The following KLF12 variants were observed in gnomAD, a reference collection of about 807,000 sequenced individuals.
KLF12 encodes the protein Krueppel-like factor 12.
A neutral mutation model predicts 37.8 loss-of-function variants in KLF12; 9 were observed. The ratio of observed to expected loss-of-function variants is 0.24; its 90% CI spans 0.14 to 0.42. KLF12 has a LOEUF of 0.42. KLF12 is among the 10% of genes least tolerant of loss of function. The probability of loss-of-function intolerance (pLI) is 1.00; values close to 1 mark genes in which losing one functional copy is unlikely to be tolerated. For synonymous variants in KLF12, 208 were observed against 202.1 expected (o/e 1.03, Z -0.25); for missense variants, 411 against 516.0 (o/e 0.80, Z 1.97).
intron 6 of KLF12, among the ~76,000 whole-genome samples, chr13:73,743,390 C>A (rs1878138934): frequency 6.6e-6 from 1 of 152,182 alleles, no homozygotes; most frequent in Non-Finnish European, 1.5e-5. Context: ...AGGATCAACT[C>A]TTCTTGTATA....
At chr13:74,172,143 A>ACACACG in the KLF12 span, among the ~76,000 whole-genome samples, 1 of 784 alleles carries the variant, frequency 1.3e-3, no homozygotes, top group East Asian at 0.17. Context: ...TTTCCTCACG[A>ACACACG]CACACACACA....
chr13:74,290,178 T>C, the KLF12 span, among the ~76,000 whole-genome samples: 3 of 152,190 alleles, frequency 2.0e-5, no homozygotes, highest in African/African-American at 7.2e-5. Flanking sequence ...AAATGGCCAA[T>C]TGGAGGGATT....
At chr13:74,147,497 G>A in the KLF12 span, among the ~76,000 whole-genome samples, 1 of 152,170 alleles carries the variant, frequency 6.6e-6, no homozygotes, top group Non-Finnish European at 1.5e-5. Context: ...GTGTACAGTG[G>A]TTTCCCAAAA....
intron 1 of KLF12, among the ~76,000 whole-genome samples, chr13:74,020,069 A>G (rs1892802594): frequency 6.6e-6 from 1 of 152,238 alleles, no homozygotes; most frequent in Non-Finnish European, 1.5e-5. Context: ...TCATTCCTAC[A>G]TGGAATTTGG....
chr13:73,837,804 A>G (rs941782886), intron 4 of KLF12, among the ~76,000 whole-genome samples: 17 of 152,232 alleles, frequency 1.1e-4, no homozygotes, highest in African/African-American at 4.1e-4. Flanking sequence ...TATGGCTAGT[A>G]GTCACCATAC....
Position 73,695,225 on chromosome 13 carries a change from AGGACACAGCAC to A in KLF12, c.*254_*264del, listed in dbSNP as rs1346946058. The A allele has an allele frequency of 2.4e-6, 1 of 424,894 alleles. No individual in the cohort carries two copies. The highest frequency in any genetic ancestry group is 4.2e-6 in the Non-Finnish European group (1 of 236,372). The allele number at this position is 424,894 out of a possible 1,614,324, so 26.3% of individuals were successfully genotyped here. On this transcript the variant is annotated 3_prime_UTR_variant, in exon 8 of 8. Transcript: ENST00000377669. ...AGCTACAAACATCTTTAAATGGCAG[AGGACACAGCAC>A]GGAAAACAATGCCTGTCTCTTCAGC...
the KLF12 span, among the ~76,000 whole-genome samples, chr13:74,197,742 A>G: frequency 1.3e-5 from 2 of 152,158 alleles, no homozygotes. Flanking sequence ...TTTCATAGTC[A>G]CTGCTATTTT....
chr13:74,139,471 A>C, the KLF12 span, among the ~76,000 whole-genome samples: 1 of 152,266 alleles, frequency 6.6e-6, no homozygotes, highest in Admixed American at 6.5e-5. Context: ...TTGGGTGCAC[A>C]TATTGAAAAT....
intron 5 of KLF12, among the ~76,000 whole-genome samples, chr13:73,810,982 C>CTTTTTTTTT (rs376490803): frequency 2.3e-3 from 105 of 44,792 alleles, no homozygotes; most frequent in South Asian, 4.1e-3. Context: ...ATTTTTCTTT[C>CTTTTTTTTT]TTTTTTTTTT....
At chr13:74,286,599 T>C in the KLF12 span, among the ~76,000 whole-genome samples, 1 of 152,184 alleles carries the variant, frequency 6.6e-6, no homozygotes, top group African/African-American at 2.4e-5. Flanking sequence ...ATGGGTTTGT[T>C]AAAAAATTGT....
intron 3 of KLF12, among the ~76,000 whole-genome samples, chr13:73,851,638 T>C (rs1885339859): frequency 1.3e-5 from 2 of 152,340 alleles, no homozygotes; most frequent in East Asian, 1.9e-4. Flanking sequence ...GGTCATTCTT[T>C]AGCAGTCTTA....
chr13:74,096,796 T>C (rs1876011451), intron 1 of KLF12, among the ~76,000 whole-genome samples: 1 of 152,184 alleles, frequency 6.6e-6, no homozygotes, highest in Non-Finnish European at 1.5e-5. Flanking sequence ...TTTCTCAGAC[T>C]GCATCTCCTT....
At chr13:73,931,890 A>G (rs1255960864) in intron 3 of KLF12, among the ~76,000 whole-genome samples, 1 of 151,826 alleles carries the variant, frequency 6.6e-6, no homozygotes, top group Non-Finnish European at 1.5e-5. Flanking sequence ...TATGAAATTT[A>G]TAACAAAACT....
At chr13:74,137,170 T>A (rs1593931426), upstream of KLF12, among the ~76,000 whole-genome samples, 1 of 152,232 alleles carries the variant, frequency 6.6e-6, no homozygotes, top group East Asian at 1.9e-4. Flanking sequence ...GGATTTTTAA[T>A]GTTTAGACCT....
At chr13:73,723,215 G>T (rs999833618) in intron 6 of KLF12, among the ~76,000 whole-genome samples, 1 of 152,174 alleles carries the variant, frequency 6.6e-6, no homozygotes, top group Non-Finnish European at 1.5e-5. Flanking sequence ...ACAAAAAAAT[G>T]CCTATTTCAG....
chr13:74,297,449 G>T, the KLF12 span, among the ~76,000 whole-genome samples: 17 of 152,264 alleles, frequency 1.1e-4, no homozygotes, highest in South Asian at 1.7e-3. Context: ...TGTTCAATTT[G>T]CTTTGTTCAG....
chr13:74,284,363 G>C, the KLF12 span, among the ~76,000 whole-genome samples: 1 of 152,172 alleles, frequency 6.6e-6, no homozygotes, highest in Non-Finnish European at 1.5e-5. Flanking sequence ...AAGTCTTGAA[G>C]GGGGACGTGA....
At chr13:73,747,808 G>T (rs907066533) in intron 6 of KLF12, among the ~76,000 whole-genome samples, 14 of 152,242 alleles carry the variant, frequency 9.2e-5, no homozygotes, top group African/African-American at 2.9e-4. Flanking sequence ...ACTGAAATAT[G>T]AAAATAGGCA....
At chr13:74,264,949 A>T in the KLF12 span, among the ~76,000 whole-genome samples, 1 of 152,212 alleles carries the variant, frequency 6.6e-6, no homozygotes, top group African/African-American at 2.4e-5. Flanking sequence ...CTTTTAATAC[A>T]GGAAGCTGTA....
Sources: gnomAD v4.1 joint callset for allele counts (sites outside exome capture counted in the v4.1 genomes callset) on GRCh38, gnomAD v4.1.1 for gene constraint, MANE v1.5 for transcripts, NCBI Gene and HGNC (gene_info 2026-07-23, HGNC 2026-07-21) for gene names.